The following TNIK variants were observed in gnomAD, a reference collection of about 807,000 sequenced individuals.
The protein encoded by TNIK is TRAF2 and NCK-interacting protein kinase.
Under a neutral mutation model 191.3 loss-of-function variants are expected in TNIK, and 49 were observed. The ratio of observed to expected loss-of-function variants is 0.26; its 90% confidence interval spans 0.20 to 0.32. The LOEUF is 0.32. Among genes scored for constraint, TNIK ranks in the 10% least tolerant of loss-of-function variants. TNIK has a pLI of 1.00. For synonymous variants in TNIK, 594 were observed against 600.9 expected (o/e 0.99, Z 0.17); for missense variants, 1,155 against 1,702.3 (o/e 0.68, Z 5.66).
intron 2 of TNIK, among the ~76,000 whole-genome samples, chr3:171,314,084 C>T (rs76852714): frequency 3.9e-4 from 60 of 152,230 alleles, no homozygotes; most frequent in Non-Finnish European, 7.4e-4. Context: ...TTCATAAGCA[C>T]GCAGATATAT....
intron 2 of TNIK, among the ~76,000 whole-genome samples, chr3:171,271,137 T>C (rs1749041144): frequency 6.6e-6 from 1 of 152,206 alleles, no homozygotes; most frequent in Admixed American, 6.5e-5. Flanking sequence ...AGCTTATTCT[T>C]ACTGTGCCAG....
At chr3:171,346,029 G>A (rs1046766653) in intron 2 of TNIK, among the ~76,000 whole-genome samples, 3 of 152,040 alleles carry the variant, frequency 2.0e-5, no homozygotes, top group Non-Finnish European at 4.4e-5. Flanking sequence ...GGAGAGGGTG[G>A]GGTGTTATTT....
intron 5 of TNIK, among the ~76,000 whole-genome samples, chr3:171,191,481 A>G (rs1165916921): frequency 6.6e-6 from 1 of 152,182 alleles, no homozygotes; most frequent in Non-Finnish European, 1.5e-5. Context: ...CAGGTGATCC[A>G]TTCACTTCGG....
chr3:171,297,811 A>T (rs1334391896), intron 2 of TNIK, among the ~76,000 whole-genome samples: 3 of 152,252 alleles, frequency 2.0e-5, no homozygotes, highest in Non-Finnish European at 4.4e-5. Flanking sequence ...ACTATTTAAA[A>T]CCAGTTAATA....
At chr3:171,397,690 T>C (rs1720431286) in intron 1 of TNIK, among the ~76,000 whole-genome samples, 1 of 152,224 alleles carries the variant, frequency 6.6e-6, no homozygotes, top group Non-Finnish European at 1.5e-5. Flanking sequence ...AATATGTTTA[T>C]ATCTTAAAGA....
chr3:171,127,289 GA>G (rs1195238004), intron 16 of TNIK, among the ~76,000 whole-genome samples: 2 of 152,082 alleles, frequency 1.3e-5, no homozygotes, highest in African/African-American at 4.8e-5. Context: ...CAGTTTAGCT[GA>G]ATGTTAAGCT....
intron 1 of TNIK, among the ~76,000 whole-genome samples, chr3:171,447,046 T>C (rs1206966264): frequency 6.6e-6 from 1 of 151,774 alleles, no homozygotes; most frequent in Non-Finnish European, 1.5e-5. Context: ...CAAAAATTAG[T>C]TGGGCGTGGT....
chr3:171,221,697 A>G (rs903401127), intron 3 of TNIK, among the ~76,000 whole-genome samples: 4 of 152,248 alleles, frequency 2.6e-5, no homozygotes, highest in Admixed American at 2.6e-4. Flanking sequence ...TTCAGCCTTC[A>G]GCCTCTGGAA....
chr3:171,075,602 C>T (rs945287286), intron 28 of TNIK, among the ~76,000 whole-genome samples: 7 of 152,212 alleles, frequency 4.6e-5, no homozygotes, highest in African/African-American at 1.7e-4. Context: ...ACATCCATTC[C>T]TTTTTAAAAA....
intron 2 of TNIK, among the ~76,000 whole-genome samples, chr3:171,242,294 C>T (rs894721768): frequency 2.6e-5 from 4 of 152,110 alleles, no homozygotes; most frequent in Admixed American, 2.0e-4. Flanking sequence ...GACACCTGCA[C>T]AAAACACGAA....
At chr3:171,442,704 T>C (rs919582378) in intron 1 of TNIK, among the ~76,000 whole-genome samples, 3 of 152,126 alleles carry the variant, frequency 2.0e-5, no homozygotes, top group African/African-American at 2.4e-5. Flanking sequence ...ATCAGTGAAA[T>C]GGAGGTTTAG....
intron 2 of TNIK, among the ~76,000 whole-genome samples, chr3:171,276,403 A>T (rs1437542328): frequency 1.3e-5 from 2 of 152,174 alleles, no homozygotes; most frequent in Admixed American, 6.5e-5. Flanking sequence ...GGGGCTGGGA[A>T]AAAACTCCAT....
chr3:171,146,848 C>T (rs1204399152), intron 12 of TNIK, among the ~76,000 whole-genome samples: 1 of 149,834 alleles, frequency 6.7e-6, no homozygotes, highest in Non-Finnish European at 1.5e-5. Context: ...TGAGATCGTG[C>T]CACTGTACGA....
intron 4 of TNIK, among the ~76,000 whole-genome samples, chr3:171,209,759 G>T (rs1458492963): frequency 5.9e-5 from 9 of 151,866 alleles, no homozygotes; most frequent in African/African-American, 1.9e-4. Context: ...AAATCCCAAT[G>T]GTTCTTTTCA....
intron 21 of TNIK, among the ~76,000 whole-genome samples, chr3:171,105,481 A>G (rs767765331): frequency 2.6e-5 from 4 of 151,682 alleles, no homozygotes; most frequent in Non-Finnish European, 5.9e-5. Flanking sequence ...CCACTGGGTT[A>G]GGTAGAACCG....
At chr3:171,402,135 C>G (rs116746311) in intron 1 of TNIK, among the ~76,000 whole-genome samples, 1 of 152,118 alleles carries the variant, frequency 6.6e-6, no homozygotes, top group Admixed American at 6.5e-5. Context: ...TAATGACTAA[C>G]GATAACTGGT....
intron 2 of TNIK, among the ~76,000 whole-genome samples, chr3:171,331,228 T>C (rs919337951): frequency 2.0e-5 from 3 of 152,106 alleles, no homozygotes; most frequent in African/African-American, 4.8e-5. Context: ...CTCCATAAAT[T>C]CAAAAACAGG....
chr3:171,168,395 C>T (rs182643256), intron 9 of TNIK, among the ~76,000 whole-genome samples: 7 of 152,078 alleles, frequency 4.6e-5, no homozygotes, highest in East Asian at 1.9e-4. Flanking sequence ...AGCCTTTGCC[C>T]GGCAGTCCCT....
At chr3:171,278,937 T>C (rs1750108530) in intron 2 of TNIK, among the ~76,000 whole-genome samples, 1 of 152,186 alleles carries the variant, frequency 6.6e-6, no homozygotes, top group Non-Finnish European at 1.5e-5. Flanking sequence ...CCCAAGTTAG[T>C]GAGAAATTGT....
Sources: gnomAD v4.1 joint callset for allele counts (sites outside exome capture counted in the v4.1 genomes callset) on GRCh38, gnomAD v4.1.1 for gene constraint, MANE v1.5 for transcripts, NCBI Gene and HGNC (gene_info 2026-07-23, HGNC 2026-07-21) for gene names.